Variants in AKAP8L observed in about 807,000 individuals in gnomAD.
AKAP8L encodes the protein A-kinase anchor protein 8-like.
A neutral mutation model predicts 77.5 loss-of-function variants in AKAP8L; 34 were observed. That is an observed-to-expected ratio of 0.44 (90% CI 0.33 to 0.58). The LOEUF (loss-of-function observed/expected upper bound fraction) is 0.58. Ranked by LOEUF, AKAP8L falls within the 20% of genes least tolerant of loss-of-function variation. The pLI, the probability that AKAP8L is intolerant of heterozygous loss-of-function variation, is 0.02. For synonymous variants in AKAP8L, 342 were observed against 340.7 expected (o/e 1.00, Z -0.04); for missense variants, 806 against 887.6 (o/e 0.91, Z 1.17).
rs981877404 is a variant in AKAP8L, at chr19:15,399,966, G to A, written c.1048+329C>T. The stretch of plus-strand genomic sequence containing the variant: ...CCCAGATCGGACACCAGCCACTGAG[G>A]ACTTGGAACTGCGCGTTACTGAGGG... On this transcript the variant is annotated intron_variant, in intron 8 of 13. Coordinates refer to ENST00000397410, the MANE Select transcript of AKAP8L (RefSeq NM_014371.4). This position sits in a 1 kb window ranked among gnomAD's most constrained non-coding sequence, Gnocchi z 6.1. The A allele has an allele frequency of 4.5e-6, 2 of 446,630 alleles. No individual in the cohort carries two copies. Among genetic ancestry groups the A allele is most frequent in the Middle Eastern group, 6.2e-4 (1 of 1,610 alleles). The allele number at this position is 446,630 out of a possible 1,614,324, so 27.7% of individuals were successfully genotyped here.
intron 7 of AKAP8L, 36 bp from the exon 8 acceptor site, chr19:15,400,394 C>CA: frequency 7.2e-7 from 1 of 1,382,082 alleles, no homozygotes. Flanking sequence ...AAACAGGTGC[C>CA]TTTTTTTTTT....
chr19:15,391,189 G>A (rs1005573410), intron 12 of AKAP8L, among the ~76,000 whole-genome samples: 5 of 152,158 alleles, frequency 3.3e-5, no homozygotes, highest in South Asian at 4.2e-4. Context: ...GGTTGGGCAC[G>A]GTGGCTCATG....
rs1319843048 is a variant in AKAP8L at position 15,399,567 on chromosome 19, G to A, written c.1049-157C>T. On this transcript the variant is annotated intron_variant, in intron 8 of 13. Transcript: ENST00000397410. The surrounding 1 kb of genome is among the most constrained non-coding windows in gnomAD (Gnocchi z 6.1). ...GGCCATGAGCAGGGCTGGGTATCCT[G>A]GGCTGTGCAGGGAGTGGGTTTGGCC... is the stretch of plus-strand genomic sequence containing the variant. The A allele has an allele frequency of 4.6e-6, 3 of 649,396 alleles. No homozygotes were observed. The highest frequency in any genetic ancestry group is 3.6e-5 in the African/African-American group (2 of 55,606). The allele number at this position is 649,396 out of a possible 1,614,324, so 40.2% of individuals were successfully genotyped here.
rs1967378510 is a variant in AKAP8L at position 15,380,379 on chromosome 19, CCTCCTCCTGCTCCTT to C, written c.1669_1683del (p.Lys557_Glu561del). 6.3e-7 allele frequency: 1 copy of C among 1,576,110 alleles called. No individual in the cohort carries two copies. The highest frequency in any genetic ancestry group is 1.3e-5 in the African/African-American group (1 of 74,224). The stretch of plus-strand genomic sequence containing the variant: ...CCCTCGTCCAGGGCACCGCCCTCAG[CCTCCTCCTGCTCCTT>C]CTCCTCCTCGGGGCTGTCGGTGAAA... On this transcript the variant is annotated inframe_deletion, in exon 14 of 14. Transcript: ENST00000397410.
chr19:15,382,220 TTTTTTA>T (rs1406807572), intron 12 of AKAP8L, among the ~76,000 whole-genome samples: 8 of 64,582 alleles, frequency 1.2e-4, no homozygotes, highest in African/African-American at 1.9e-4. Context: ...TTTTTTTTTT[TTTTTTA>T]AGACAGTCTC....
intron 2 of AKAP8L, among the ~76,000 whole-genome samples, chr19:15,405,993 T>C (rs1398407675): frequency 6.6e-6 from 1 of 151,866 alleles, no homozygotes; most frequent in African/African-American, 2.4e-5. Context: ...GGGCTCTGCT[T>C]GGGAGGCTAC....
chr19:15,402,274 C>G (rs1967915732), intron 4 of AKAP8L, among the ~76,000 whole-genome samples: 1 of 152,166 alleles, frequency 6.6e-6, no homozygotes, highest in South Asian at 2.1e-4. Context: ...GCCAGACCTC[C>G]TCCCAGGACA....
chr19:15,380,501 C>T lies in AKAP8L; in HGVS notation c.1632+16G>A, dbSNP rs1313873871. The T allele has an allele frequency of 3.7e-6, 6 of 1,613,552 alleles. No individual in the cohort carries two copies. Among genetic ancestry groups the T allele is most frequent in the Non-Finnish European group, 5.1e-6 (6 of 1,179,850 alleles). ...GACTAAGCTGGGGACAGGGCAGGCC[C>T]GGACCAGTGCCTCACCTTCAGGTAG... On this transcript the variant is annotated intron_variant, in intron 13 of 13. Coordinates refer to ENST00000397410, the MANE Select transcript of AKAP8L (RefSeq NM_014371.4).
chr19:15,407,990 C>T (rs1435709679), intron 2 of AKAP8L, among the ~76,000 whole-genome samples: 4 of 152,150 alleles, frequency 2.6e-5, no homozygotes, highest in African/African-American at 9.7e-5. Context: ...TACTATTAAC[C>T]AGTAATCAAG....
chr19:15,394,479 C>T (rs898646602), intron 12 of AKAP8L, among the ~76,000 whole-genome samples: 2 of 151,994 alleles, frequency 1.3e-5, no homozygotes, highest in African/African-American at 4.8e-5. Flanking sequence ...ATTCTGTAAT[C>T]GACTGGTTGA....
Position 15,398,188 on chromosome 19 carries a change from G to C in AKAP8L, c.1158-333C>G. On this transcript the variant is annotated intron_variant, in intron 9 of 13. Coordinates refer to ENST00000397410, the MANE Select transcript of AKAP8L (RefSeq NM_014371.4). The surrounding 1 kb of genome is among the most constrained non-coding windows in gnomAD (Gnocchi z 9.2). ...CTCGCTACCAAGGCTGGGCAGGAGCGTGTGCACTTGGCCCAGGTGGGGACC... is the reference window on the plus strand; with the variant it reads ...CTCGCTACCAAGGCTGGGCAGGAGCCTGTGCACTTGGCCCAGGTGGGGACC... The C allele has an allele frequency of 2.8e-6, 1 of 358,756 alleles. No individual in the cohort carries two copies. Among genetic ancestry groups the C allele is most frequent in the South Asian group, 2.9e-5 (1 of 34,128 alleles). 22.2% of individuals were successfully genotyped at this position (358,756 alleles called of 1,614,324 possible). A position where few individuals can be genotyped will look rare whatever the true frequency, so the allele number is the denominator to read the frequency against.
intron 4 of AKAP8L, among the ~76,000 whole-genome samples, chr19:15,402,866 C>G (rs1429352212): frequency 1.3e-5 from 2 of 152,194 alleles, no homozygotes; most frequent in Non-Finnish European, 2.9e-5. Flanking sequence ...TAGGCGAGGC[C>G]CAGCCCCACC....
chr19:15,387,913 C>A (rs756587484), intron 12 of AKAP8L, among the ~76,000 whole-genome samples: 11 of 151,286 alleles, frequency 7.3e-5, no homozygotes, highest in Non-Finnish European at 1.6e-4. Context: ...AAGCCAAGAT[C>A]GCGCCACTGC....
chr19:15,388,980 C>T (rs1231825444), intron 12 of AKAP8L, among the ~76,000 whole-genome samples: 3 of 150,266 alleles, frequency 2.0e-5, no homozygotes, highest in East Asian at 2.0e-4. Flanking sequence ...TTAGGGAGGC[C>T]GAGGCAGGCG....
intron 1 of AKAP8L, among the ~76,000 whole-genome samples, chr19:15,412,069 G>A (rs575253136): frequency 1.2e-4 from 18 of 152,288 alleles, no homozygotes; most frequent in South Asian, 2.1e-4. Context: ...TTAGCTGGGC[G>A]TGGTGGTGTG....
rs759196064 is a variant in AKAP8L at position 15,403,469 on chromosome 19, A to T, written c.362+6T>A. The T allele has an allele frequency of 6.2e-7, 1 of 1,613,480 alleles. No individual in the cohort carries two copies. Among genetic ancestry groups the T allele is most frequent in the South Asian group, 1.1e-5 (1 of 91,062 alleles). On this transcript the variant is annotated splice_donor_region_variant and intron_variant, in intron 4 of 13. Transcript: ENST00000397410. This position sits in a 1 kb window ranked among gnomAD's most constrained non-coding sequence, Gnocchi z 4.3. Reference sequence around the variant, plus strand: ...AGTCTCAACCCCTAGGCAGGTGTCCACTCACCTTTCTCCACCTGAGCCGTA... The same window carrying T: ...AGTCTCAACCCCTAGGCAGGTGTCCTCTCACCTTTCTCCACCTGAGCCGTA...
At chr19:15,416,007 T>G (rs988478435) in intron 1 of AKAP8L, among the ~76,000 whole-genome samples, 3 of 152,112 alleles carry the variant, frequency 2.0e-5, no homozygotes, top group African/African-American at 7.2e-5. Flanking sequence ...TTTTAATTTT[T>G]ATAGAGAAAG....
chr19:15,383,502 T>G lies in AKAP8L; in HGVS notation c.1537-2890A>C, dbSNP rs1967462389. ...AGCCACTGCCCCCAGCCTTGCATAT[T>G]GGTTTTCTGAAGCTGAAAAATTAAT... is the stretch of plus-strand genomic sequence containing the variant. On this transcript the variant is annotated intron_variant, in intron 12 of 13. Coordinates refer to ENST00000397410, the MANE Select transcript of AKAP8L (RefSeq NM_014371.4). 3 of 152,190 alleles carry G rather than the reference T, an allele frequency of 2.0e-5. No individual in the cohort carries two copies. The South Asian group carries it at 6.2e-4, about 32-fold the overall frequency. 9.4% of individuals were successfully genotyped at this position (152,190 alleles called of 1,614,324 possible).
chr19:15,400,089 CA>C (rs2145131006), intron 8 of AKAP8L: 2 of 610,942 alleles, frequency 3.3e-6, no homozygotes, highest in Admixed American at 5.9e-5. Flanking sequence ...CACCACCATC[CA>C]CAGCCTCCGC....
Sources: gnomAD v4.1 joint callset for allele counts (sites outside exome capture counted in the v4.1 genomes callset) on GRCh38, gnomAD v4.1.1 for gene constraint, Gnocchi (gnomAD v3.1) non-coding constraint, MANE v1.5 for transcripts, NCBI Gene and HGNC (gene_info 2026-07-23, HGNC 2026-07-21) for gene names.